Variants in STK4 observed in about 807,000 individuals in gnomAD.
The protein encoded by STK4 is serine/threonine kinase 4.
In STK4, 30 loss-of-function variants were observed where a neutral mutation model predicts 64.9. That is an observed-to-expected ratio of 0.46 (90% CI 0.35 to 0.63). The LOEUF (loss-of-function observed/expected upper bound fraction) is 0.63, where lower values mean the gene tolerates loss of function less well. STK4 is among the 20% of genes least tolerant of loss of function. The pLI, the probability that STK4 is intolerant of heterozygous loss-of-function variation, is 0.01. For missense variants in STK4, 466 were observed against 598.5 expected (o/e 0.78, Z 2.31); for synonymous variants, 177 against 199.0 (o/e 0.89, Z 0.93).
chr20:44,971,724 G>A (rs191551045), intron 1 of STK4, among the ~76,000 whole-genome samples: 3 of 136,766 alleles, frequency 2.2e-5, no homozygotes, highest in Admixed American at 8.1e-5. Flanking sequence ...AAGCTTGAGC[G>A]TAGTGGCGCA....
intron 9 of STK4, among the ~76,000 whole-genome samples, chr20:45,010,138 G>A (rs570291744): frequency 7.2e-5 from 11 of 152,014 alleles, no homozygotes; most frequent in South Asian, 2.1e-4. Flanking sequence ...GTGCGATCTC[G>A]GCTTATTGCG....
intron 5 of STK4, among the ~76,000 whole-genome samples, chr20:44,987,998 A>C (rs747231319): frequency 4.6e-5 from 7 of 151,564 alleles, no homozygotes; most frequent in Non-Finnish European, 8.8e-5. Context: ...TTTTATTATA[A>C]GTCTGCCTGG....
At chr20:45,008,599 G>A (rs947956769) in intron 9 of STK4, among the ~76,000 whole-genome samples, 2 of 152,114 alleles carry the variant, frequency 1.3e-5, no homozygotes, top group Non-Finnish European at 2.9e-5. Flanking sequence ...AGTTCTTTGA[G>A]AAATTAGCAA....
At chr20:44,996,705 G>A (rs959911752) in intron 6 of STK4, among the ~76,000 whole-genome samples, 1 of 152,008 alleles carries the variant, frequency 6.6e-6, no homozygotes, top group Non-Finnish European at 1.5e-5. Context: ...AGCTTACTTT[G>A]GAAGTTAATG....
intron 9 of STK4, among the ~76,000 whole-genome samples, chr20:45,023,867 T>G (rs2068293504): frequency 6.6e-6 from 1 of 151,872 alleles, no homozygotes; most frequent in African/African-American, 2.4e-5. Flanking sequence ...TCAATTCTAT[T>G]TATTTTATAC....
intron 10 of STK4, among the ~76,000 whole-genome samples, chr20:45,039,994 A>G (rs2075153652): frequency 6.6e-6 from 1 of 151,926 alleles, no homozygotes; most frequent in African/African-American, 2.4e-5. Context: ...GGGATCTGCA[A>G]GCCAGACTTT....
At chr20:45,047,237 T>C (rs939160313) in intron 10 of STK4, among the ~76,000 whole-genome samples, 11 of 152,342 alleles carry the variant, frequency 7.2e-5, no homozygotes, top group Non-Finnish European at 1.6e-4. Flanking sequence ...ATAGATCTTA[T>C]TCCCACTTAT....
At chr20:45,025,228 C>A (rs2068324374) in intron 10 of STK4, 98 bp downstream of exon 10, 2 of 1,381,336 alleles carry the variant, frequency 1.4e-6, no homozygotes, top group African/African-American at 1.5e-5. Flanking sequence ...TTTTGAGTCT[C>A]CTAAACCATC....
At chr20:45,003,848 C>A (rs2067886184) in intron 9 of STK4, among the ~76,000 whole-genome samples, 1 of 151,330 alleles carries the variant, frequency 6.6e-6, no homozygotes. Flanking sequence ...TCCCGAGTAG[C>A]TGCGACTACA....
chr20:44,988,369 G>A (rs1241402306), intron 5 of STK4, among the ~76,000 whole-genome samples: 1 of 151,260 alleles, frequency 6.6e-6, no homozygotes, highest in African/African-American at 2.4e-5. Flanking sequence ...ACAAACATTA[G>A]CCGGACATGG....
At chr20:44,993,658 T>C (rs1384517236) in intron 5 of STK4, among the ~76,000 whole-genome samples, 1 of 152,222 alleles carries the variant, frequency 6.6e-6, no homozygotes, top group Non-Finnish European at 1.5e-5. Flanking sequence ...TGATCGGAAG[T>C]CCTTTTTCGT....
At chr20:45,053,004 G>A in intron 10 of STK4, 1 of 1,080,392 alleles carries the variant, frequency 9.3e-7, no homozygotes. Context: ...TATTTTTCCT[G>A]TAAAGCTTGG....
chr20:44,966,592 C>A lies in STK4; in HGVS notation c.24C>A (p.Asn8Lys). 3.9e-6 allele frequency: 5 copies of A among 1,273,630 alleles called. No homozygotes were observed. Among genetic ancestry groups the A allele is most frequent in the Non-Finnish European group, 5.0e-6 (5 of 1,001,670 alleles). The allele number at this position is 1,273,630 out of a possible 1,614,324, so 78.9% of individuals were successfully genotyped here. The change falls in exon 1 of 11, where the codon AAC becomes AAA. Residue 8 changes from asparagine to lysine, a missense_variant. By Grantham distance (94) the Asn-to-Lys change is moderately conservative. Coordinates refer to ENST00000372806, the MANE Select transcript of STK4 (RefSeq NM_006282.5). ...CCATGGAGACGGTACAGCTGAGGAA[C>A]CCGCCGCGCCGGTGAGGGGCCACTG... METVQLR[N>K]PPRRQLKKLD...
intron 5 of STK4, among the ~76,000 whole-genome samples, chr20:44,990,501 T>C (rs1225628065): frequency 1.3e-5 from 2 of 152,142 alleles, no homozygotes; most frequent in African/African-American, 4.8e-5. Flanking sequence ...TACAAGATGA[T>C]CTGACTTGGC....
chr20:45,000,654 C>T, intron 8 of STK4, 134 bp downstream of exon 8: 1 of 1,295,898 alleles, frequency 7.7e-7, no homozygotes, highest in Non-Finnish European at 1.1e-6. Context: ...TATGTCCTAA[C>T]CTGGATCAAC....
intron 4 of STK4, among the ~76,000 whole-genome samples, chr20:44,984,414 G>A (rs1248051196): frequency 6.6e-6 from 1 of 151,984 alleles, no homozygotes; most frequent in Non-Finnish European, 1.5e-5. Context: ...GTGTTAGCCA[G>A]GATGGTCTCG....
At chr20:45,064,970 G>T (rs544069052) in intron 10 of STK4, among the ~76,000 whole-genome samples, 1 of 152,132 alleles carries the variant, frequency 6.6e-6, no homozygotes, top group Non-Finnish European at 1.5e-5. Flanking sequence ...GCTCTGGGAG[G>T]ACTTCCAGTA....
At chr20:45,001,447 G>T (rs1023363874) in intron 9 of STK4, 94 bp downstream of exon 9, 9 of 1,406,680 alleles carry the variant, frequency 6.4e-6, no homozygotes, top group Non-Finnish European at 8.5e-6. Flanking sequence ...TTAGCCTTGG[G>T]TTCTTTCTTT....
At chr20:45,040,017 T>A (rs1257580033) in intron 10 of STK4, among the ~76,000 whole-genome samples, 2 of 151,832 alleles carry the variant, frequency 1.3e-5, no homozygotes, top group Non-Finnish European at 2.9e-5. Flanking sequence ...GAATTGCTGA[T>A]CTAGAAGCTT....
Sources: allele counts gnomAD v4.1 joint callset (sites outside exome capture counted in the v4.1 genomes callset), GRCh38; gene constraint gnomAD v4.1.1; transcripts MANE v1.5; gene names NCBI Gene and HGNC (gene_info 2026-07-23, HGNC 2026-07-21).